The following SDK1 variants were observed in gnomAD, a reference collection of about 807,000 sequenced individuals.
The protein encoded by SDK1 is protein sidekick-1.
In SDK1, 157 loss-of-function variants were observed where a neutral mutation model predicts 245.5. The observed-to-expected ratio is 0.64, with a 90% CI of 0.56 to 0.73. The LOEUF is 0.73. SDK1 is among the 30% of genes least tolerant of loss of function. SDK1 has a pLI of 0.00. For missense variants in SDK1, 3,583 were observed against 3,002.3 expected (o/e 1.19, Z -4.52); for synonymous variants, 1,647 against 1,278.5 (o/e 1.29, Z -6.15).
chr7:3,688,530 T>C (rs754613024), intron 4 of SDK1, among the ~76,000 whole-genome samples: 11 of 152,214 alleles, frequency 7.2e-5, no homozygotes, highest in South Asian at 2.1e-4. Context: ...GCTGCCGTTG[T>C]TAGTATTATA....
chr7:3,969,668 T>C (rs1314918028), intron 11 of SDK1, among the ~76,000 whole-genome samples: 1 of 152,256 alleles, frequency 6.6e-6, no homozygotes, highest in Non-Finnish European at 1.5e-5. Context: ...AGATTGACTT[T>C]GTAAAGTCAG....
At chr7:4,110,628 A>G in intron 22 of SDK1, 35 bp from the exon 23 acceptor site, 2 of 1,465,220 alleles carry the variant, frequency 1.4e-6, no homozygotes, top group Non-Finnish European at 1.9e-6. Flanking sequence ...TCCCTAAGGC[A>G]TGTCCAGCCC....
At chr7:3,312,301 C>T (rs369875766) in intron 1 of SDK1, among the ~76,000 whole-genome samples, 6 of 152,066 alleles carry the variant, frequency 3.9e-5, no homozygotes, top group African/African-American at 1.2e-4. Flanking sequence ...AAGACTCTTG[C>T]AGAAGAAACA....
At chr7:4,092,166 G>T (rs1484350277) in intron 22 of SDK1, among the ~76,000 whole-genome samples, 1 of 152,204 alleles carries the variant, frequency 6.6e-6, no homozygotes, top group Non-Finnish European at 1.5e-5. Flanking sequence ...TCTCACGGGT[G>T]ATTGAGAGAA....
intron 4 of SDK1, among the ~76,000 whole-genome samples, chr7:3,672,827 T>C (rs1783760343): frequency 1.6e-5 from 2 of 123,332 alleles, no homozygotes; most frequent in South Asian, 5.2e-4. Flanking sequence ...TATGCACAGA[T>C]CACACTTTTG....
intron 5 of SDK1, among the ~76,000 whole-genome samples, chr7:3,866,220 T>C (rs1266305640): frequency 6.6e-6 from 1 of 152,216 alleles, no homozygotes; most frequent in East Asian, 1.9e-4. Context: ...GCTGATTCAC[T>C]TATGCATTCA....
intron 1 of SDK1, among the ~76,000 whole-genome samples, chr7:3,454,671 T>G (rs1780620412): frequency 6.6e-6 from 1 of 152,238 alleles, no homozygotes; most frequent in African/African-American, 2.4e-5. Context: ...TTGTTGTGTT[T>G]ATCAACAGTT....
intron 1 of SDK1, among the ~76,000 whole-genome samples, chr7:3,424,208 G>A (rs1485759690): frequency 3.3e-5 from 5 of 152,070 alleles, no homozygotes; most frequent in Admixed American, 2.6e-4. Context: ...CACCATGCCC[G>A]GCCATACTAA....
At chr7:4,130,327 A>G (rs1784721042) in intron 27 of SDK1, 2 of 557,896 alleles carry the variant, frequency 3.6e-6, no homozygotes, top group Admixed American at 3.5e-5. Context: ...AGTTTCCCTC[A>G]TAACTCTGCC....
chr7:3,681,903 A>G (rs1784110975), intron 4 of SDK1, among the ~76,000 whole-genome samples: 1 of 152,104 alleles, frequency 6.6e-6, no homozygotes, highest in Non-Finnish European at 1.5e-5. Context: ...TATTTTTCAT[A>G]TTTTGGAAAG....
chr7:3,888,807 C>A (rs1032323403), intron 5 of SDK1, among the ~76,000 whole-genome samples: 1 of 152,138 alleles, frequency 6.6e-6, no homozygotes, highest in East Asian at 1.9e-4. Context: ...GTGCAGATTT[C>A]GCAAGGTTTT....
At chr7:4,192,667 T>G (rs1232741316) in intron 35 of SDK1, among the ~76,000 whole-genome samples, 1 of 152,154 alleles carries the variant, frequency 6.6e-6, no homozygotes, top group East Asian at 1.9e-4. Flanking sequence ...AGCATAGCTT[T>G]TATATGCACT....
At chr7:3,836,007 A>G (rs894283838) in intron 5 of SDK1, among the ~76,000 whole-genome samples, 2 of 152,222 alleles carry the variant, frequency 1.3e-5, no homozygotes, top group African/African-American at 2.4e-5. Flanking sequence ...TTATATGAGT[A>G]TTGGTATAGG....
At chr7:3,811,580 C>A (rs1428621397) in intron 4 of SDK1, among the ~76,000 whole-genome samples, 1 of 152,174 alleles carries the variant, frequency 6.6e-6, no homozygotes, top group Non-Finnish European at 1.5e-5. Flanking sequence ...GCAGATGTCC[C>A]TCTGTGCCTC....
chr7:4,067,484 A>G (rs1002119969), intron 19 of SDK1, among the ~76,000 whole-genome samples: 19 of 152,118 alleles, frequency 1.2e-4, no homozygotes, highest in Non-Finnish European at 1.5e-5. Context: ...GGTTGCATAC[A>G]CCATGGAGGA....
intron 1 of SDK1, among the ~76,000 whole-genome samples, chr7:3,616,244 T>G (rs2128643854): frequency 6.6e-6 from 1 of 152,300 alleles, no homozygotes; most frequent in East Asian, 1.9e-4. Flanking sequence ...TTGACAGTAC[T>G]TTTTACAAGG....
chr7:3,424,192 G>A (rs1218741154), intron 1 of SDK1, among the ~76,000 whole-genome samples: 4 of 152,290 alleles, frequency 2.6e-5, no homozygotes, highest in Non-Finnish European at 4.4e-5. Context: ...GATTATAGGC[G>A]TGAGCCACCA....
intron 1 of SDK1, among the ~76,000 whole-genome samples, chr7:3,554,247 C>T (rs1779513701): frequency 6.6e-6 from 1 of 152,118 alleles, no homozygotes; most frequent in Admixed American, 6.6e-5. Context: ...ATGCGGAGTG[C>T]ACTCTCTGAT....
intron 4 of SDK1, among the ~76,000 whole-genome samples, chr7:3,793,870 C>G (rs2115026782): frequency 1.3e-5 from 2 of 152,238 alleles, no homozygotes; most frequent in South Asian, 4.1e-4. Flanking sequence ...GTAGGTGGAT[C>G]TACCTAAGCC....
Sources: allele counts gnomAD v4.1 joint callset (sites outside exome capture counted in the v4.1 genomes callset), GRCh38; gene constraint gnomAD v4.1.1; transcripts MANE v1.5; gene names NCBI Gene and HGNC (gene_info 2026-07-23, HGNC 2026-07-21).